Variants in MAD1L1 observed in about 807,000 individuals in gnomAD.
MAD1L1 encodes mitotic spindle assembly checkpoint protein MAD1.
In MAD1L1, 95 loss-of-function variants were observed where a neutral mutation model predicts 96.9. That is an observed-to-expected ratio of 0.98 (90% CI 0.83 to 1.16). The LOEUF is 1.16. Among genes scored for constraint, MAD1L1 ranks in the 50% most tolerant of loss-of-function variants. MAD1L1 has a pLI of 0.00. For synonymous variants in MAD1L1, 473 were observed against 396.6 expected, an observed-to-expected ratio of 1.19 and a Z score of -2.29; for missense variants, 1,007 against 954.4, an observed-to-expected ratio of 1.06 and a Z score of -0.73.
chr7:1,832,907 C>T (rs200262197), intron 18 of MAD1L1, among the ~76,000 whole-genome samples: 74 of 148,640 alleles, frequency 5.0e-4, no homozygotes, highest in African/African-American at 8.8e-4. Context: ...GCTGGGATTA[C>T]AGGCTTGAGC....
At chr7:1,965,895 A>C (rs1255409700) in intron 15 of MAD1L1, among the ~76,000 whole-genome samples, 1 of 152,268 alleles carries the variant, frequency 6.6e-6, no homozygotes, top group African/African-American at 2.4e-5. Flanking sequence ...GGAGACCCAG[A>C]AACGTGAAAG....
intron 10 of MAD1L1, among the ~76,000 whole-genome samples, chr7:2,204,533 T>C (rs991267073): frequency 6.6e-6 from 1 of 152,212 alleles, no homozygotes; most frequent in Non-Finnish European, 1.5e-5. Context: ...TTTACCTTTT[T>C]AAAAAGTTCA....
chr7:2,051,213 T>C lies in MAD1L1; in HGVS notation c.1218+17981A>G, dbSNP rs533681471. 1.8e-3 allele frequency among the ~76,000 whole-genome samples: 280 copies of C among 152,188 alleles called. 1 individual carries two copies. The highest frequency in any genetic ancestry group is 6.6e-3 in the African/African-American group (275 of 41,548). On this transcript the variant is annotated intron_variant, in intron 12 of 18. Coordinates refer to ENST00000265854, the MANE Select transcript of MAD1L1 (RefSeq NM_001013836.2). ...TGCTTGTGTCCCCCCGAGGCTGGGC[T>C]AAAGCCACCTGTGCCAGCTGGATGA...
chr7:1,816,404 C>A (rs1359292596), intron 18 of MAD1L1, among the ~76,000 whole-genome samples, 176 bp from the exon 19 acceptor site: 3 of 152,206 alleles, frequency 2.0e-5, no homozygotes, highest in Non-Finnish European at 4.4e-5. Flanking sequence ...CCTAAAGGGA[C>A]TGAATTAACC....
chr7:2,108,117 A>G (rs1355164512), intron 11 of MAD1L1, among the ~76,000 whole-genome samples: 3 of 152,242 alleles, frequency 2.0e-5, no homozygotes, highest in African/African-American at 7.2e-5. Context: ...AAAGATTTTC[A>G]TTATGTACGA....
chr7:2,127,529 A>G (rs890556820), intron 11 of MAD1L1, among the ~76,000 whole-genome samples: 3 of 152,202 alleles, frequency 2.0e-5, no homozygotes, highest in Non-Finnish European at 4.4e-5. Context: ...ACCGGTAGGA[A>G]AGACCAAGGT....
At position 2,146,968 on chromosome 7, in the gene MAD1L1, G is replaced by A. The variant is rs1033084382; in HGVS notation, c.1073+2184C>T. On this transcript the variant is annotated intron_variant, in intron 11 of 18. Coordinates refer to ENST00000265854, the MANE Select transcript of MAD1L1 (RefSeq NM_001013836.2). This position sits in a 1 kb window ranked among gnomAD's most constrained non-coding sequence, Gnocchi z 6.2. The stretch of plus-strand genomic sequence containing the variant: ...CCACACCTCATTGGCCACTGCCAGC[G>A]CTGCCTGTCCTAGGGTCTGCCTCCT... 1.3e-5 allele frequency among the ~76,000 whole-genome samples: 2 copies of A among 152,140 alleles called. No individual in the cohort carries two copies. The highest frequency in any genetic ancestry group is 4.8e-5 in the African/African-American group (2 of 41,414).
At chr7:2,002,955 C>A (rs1321905127) in intron 13 of MAD1L1, among the ~76,000 whole-genome samples, 1 of 4,754 alleles carries the variant, frequency 2.1e-4, no homozygotes, top group South Asian at 3.1e-3. Flanking sequence ...CCGCTTGGCT[C>A]CCCACTGCCC....
At chr7:2,100,739 T>C (rs1786739614) in intron 11 of MAD1L1, among the ~76,000 whole-genome samples, 1 of 152,230 alleles carries the variant, frequency 6.6e-6, no homozygotes, top group Non-Finnish European at 1.5e-5. Flanking sequence ...TCTTGGCAGC[T>C]CATTCTGTTT....
chr7:2,092,189 G>C (rs559945921), intron 11 of MAD1L1, among the ~76,000 whole-genome samples: 1 of 152,178 alleles, frequency 6.6e-6, no homozygotes, highest in South Asian at 2.1e-4. Flanking sequence ...CATTCCCACA[G>C]TGTGTGGCCA....
intron 12 of MAD1L1, among the ~76,000 whole-genome samples, chr7:2,041,618 C>T (rs1292376952): frequency 2.0e-5 from 3 of 152,226 alleles, no homozygotes; most frequent in Admixed American, 1.3e-4. Flanking sequence ...TCTGTTTTCT[C>T]CACTTTAACT....
At chr7:1,977,340 C>A (rs1780692379) in intron 15 of MAD1L1, among the ~76,000 whole-genome samples, 1 of 152,256 alleles carries the variant, frequency 6.6e-6, no homozygotes, top group African/African-American at 2.4e-5. Context: ...AGTGCACCCT[C>A]CGCAGCTGCT....
rs886284212 is a variant in MAD1L1 at position 2,119,983 on chromosome 7, A to T, written c.1073+29169T>A. ...GCATGCGCCCAAGGCATCCCTAGCA[A>T]TGCCCCAGGTGGAGGAGCCCCAGTT... On this transcript the variant is annotated intron_variant, in intron 11 of 18. Coordinates refer to ENST00000265854, the MANE Select transcript of MAD1L1 (RefSeq NM_001013836.2). This position sits in a 1 kb window ranked among gnomAD's most constrained non-coding sequence, Gnocchi z 4.6. Among the ~76,000 whole-genome samples the T allele has an allele frequency of 2.0e-5, 3 of 152,064 alleles. No homozygotes were observed. Among genetic ancestry groups the T allele is most frequent in the African/African-American group, 7.2e-5 (3 of 41,406 alleles).
chr7:2,009,887 C>T (rs766699971), intron 13 of MAD1L1, among the ~76,000 whole-genome samples: 1 of 152,088 alleles, frequency 6.6e-6, no homozygotes, highest in African/African-American at 2.4e-5. Context: ...CGGCGTGTCA[C>T]GGGGAGCCCG....
At chr7:2,041,687 A>C (rs1783680137) in intron 12 of MAD1L1, among the ~76,000 whole-genome samples, 1 of 152,228 alleles carries the variant, frequency 6.6e-6, no homozygotes, top group East Asian at 1.9e-4. Flanking sequence ...CATGAGTTGA[A>C]TGAAACCAGA....
chr7:2,161,948 C>T (rs1237225695), intron 10 of MAD1L1, among the ~76,000 whole-genome samples: 2 of 144,248 alleles, frequency 1.4e-5, no homozygotes, highest in Admixed American at 6.9e-5. Context: ...AGCCCCCACC[C>T]GGCCAGCCAC....
At chr7:1,963,147 T>C (rs1420961565) in intron 15 of MAD1L1, among the ~76,000 whole-genome samples, 2 of 152,184 alleles carry the variant, frequency 1.3e-5, no homozygotes, top group Non-Finnish European at 2.9e-5. Flanking sequence ...TTATTTATAA[T>C]ATCCAGCAGT....
chr7:1,832,404 T>A (rs1782741523), intron 18 of MAD1L1, among the ~76,000 whole-genome samples: 1 of 151,646 alleles, frequency 6.6e-6, no homozygotes, highest in Non-Finnish European at 1.5e-5. Flanking sequence ...TGAGATGGAA[T>A]CTGCTCCTGG....
intron 15 of MAD1L1, among the ~76,000 whole-genome samples, chr7:1,976,740 T>C (rs1254955227): frequency 1.3e-5 from 2 of 152,210 alleles, no homozygotes; most frequent in Non-Finnish European, 2.9e-5. Context: ...ACTGGTGCGT[T>C]TACAAACCTT....
Sources: allele counts gnomAD v4.1 joint callset (sites outside exome capture counted in the v4.1 genomes callset), GRCh38; gene constraint gnomAD v4.1.1; non-coding constraint Gnocchi (gnomAD v3.1); transcripts MANE v1.5; gene names NCBI Gene and HGNC (gene_info 2026-07-23, HGNC 2026-07-21).